ZSWIM6: variants seen among roughly 807,000 people sequenced by gnomAD.
The protein encoded by ZSWIM6 is zinc finger SWIM domain-containing protein 6.
A neutral mutation model predicts 113.2 loss-of-function variants in ZSWIM6; 9 were observed. The ratio of observed to expected loss-of-function variants is 0.08; its 90% CI spans 0.05 to 0.14. The LOEUF (loss-of-function observed/expected upper bound fraction) is 0.14, where lower values mean the gene tolerates loss of function less well. ZSWIM6 is among the 10% of genes least tolerant of loss of function. The pLI, the probability that ZSWIM6 is intolerant of heterozygous loss-of-function variation, is 1.00. For synonymous variants in ZSWIM6, 611 were observed against 606.5 expected (o/e 1.01, Z -0.11); for missense variants, 1,162 against 1,552.2 (o/e 0.75, Z 4.22).
intron 1 of ZSWIM6, among the ~76,000 whole-genome samples, chr5:61,402,104 C>A (rs946490316): frequency 2.6e-5 from 4 of 152,000 alleles, no homozygotes; most frequent in Non-Finnish European, 5.9e-5. Flanking sequence ...GATTTCTTAT[C>A]ATCTTGTCAC....
At chr5:61,362,681 T>C (rs1745055236) in intron 1 of ZSWIM6, among the ~76,000 whole-genome samples, 1 of 152,192 alleles carries the variant, frequency 6.6e-6, no homozygotes, top group Non-Finnish European at 1.5e-5. Flanking sequence ...TCCTACCTGA[T>C]GCCCTTTTCT....
chr5:61,541,407 A>C (rs1316963170), intron 12 of ZSWIM6, among the ~76,000 whole-genome samples: 1 of 152,240 alleles, frequency 6.6e-6, no homozygotes, highest in East Asian at 1.9e-4. Flanking sequence ...TGGTCACCAG[A>C]AAAGAGCAAT....
Position 61,532,783 on chromosome 5 carries a change from T to A in ZSWIM6, c.2245+1058T>A, listed in dbSNP as rs532996574. Among the ~76,000 whole-genome samples the A allele has an allele frequency of 3.3e-5, 5 of 152,200 alleles. No homozygotes were observed. The East Asian group carries it at 9.6e-4, about 29-fold the overall frequency. On this transcript the variant is annotated intron_variant, in intron 9 of 13. Transcript: ENST00000252744. The stretch of plus-strand genomic sequence containing the variant: ...AAGCACTCTCCTGAACCTGTTTTTT[T>A]CCCTGTAAAGATAAAAAGCCCATCT...
At chr5:61,356,896 T>C (rs1343363621) in intron 1 of ZSWIM6, among the ~76,000 whole-genome samples, 1 of 149,750 alleles carries the variant, frequency 6.7e-6, no homozygotes, top group Non-Finnish European at 1.5e-5. Flanking sequence ...AGTATGGGTT[T>C]TCTTGAGTTT....
At chr5:61,461,467 C>T (rs928702784) in intron 1 of ZSWIM6, among the ~76,000 whole-genome samples, 19 of 152,218 alleles carry the variant, frequency 1.2e-4, no homozygotes, top group Non-Finnish European at 2.4e-4. Flanking sequence ...GAGTCCCAGT[C>T]TCTCTGCCTT....
chr5:61,397,688 TA>T (rs1745870211), intron 1 of ZSWIM6, among the ~76,000 whole-genome samples: 1 of 152,228 alleles, frequency 6.6e-6, no homozygotes. Context: ...AATTTTAGCA[TA>T]GAAGTAATCT....
At position 61,545,495 on chromosome 5, in the gene ZSWIM6, A is replaced by C. The variant is rs1214213760; in HGVS notation, c.*1178A>C. ...CAAAACACAAAATGTTTTCCAAAAC[A>C]ATTGACATAATGATACATTACGCCT... On this transcript the variant is annotated 3_prime_UTR_variant, in exon 14 of 14. Coordinates refer to ENST00000252744, the MANE Select transcript of ZSWIM6 (RefSeq NM_020928.2). 4 of 152,142 alleles carry C rather than the reference A, an allele frequency of 2.6e-5. No individual in the cohort carries two copies. Among genetic ancestry groups the C allele is most frequent in the African/African-American group, 9.7e-5 (4 of 41,444 alleles). The allele number at this position is 152,142 out of a possible 1,614,324, so 9.4% of individuals were successfully genotyped here. A position where few individuals can be genotyped will look rare whatever the true frequency, so the allele number is the denominator to read the frequency against.
chr5:61,448,212 A>G (rs1747007807), intron 1 of ZSWIM6, among the ~76,000 whole-genome samples: 1 of 152,232 alleles, frequency 6.6e-6, no homozygotes, highest in Non-Finnish European at 1.5e-5. Flanking sequence ...ATAGTGCATT[A>G]GCATCATAGC....
chr5:61,397,145 T>G (rs1455858065), intron 1 of ZSWIM6, among the ~76,000 whole-genome samples: 5 of 152,224 alleles, frequency 3.3e-5, no homozygotes, highest in African/African-American at 7.2e-5. Context: ...TTTTCAGTTT[T>G]GGACATTGGT....
At chr5:61,478,784 T>C (rs1041037984) in intron 2 of ZSWIM6, among the ~76,000 whole-genome samples, 1 of 152,110 alleles carries the variant, frequency 6.6e-6, no homozygotes, top group Non-Finnish European at 1.5e-5. Flanking sequence ...ATGAATGATA[T>C]ATGCATTTTG....
At chr5:61,369,716 T>A (rs1259396940) in intron 1 of ZSWIM6, among the ~76,000 whole-genome samples, 2 of 152,226 alleles carry the variant, frequency 1.3e-5, no homozygotes, top group Admixed American at 1.3e-4. Flanking sequence ...AGCACAGCTC[T>A]GTATACTTAC....
intron 1 of ZSWIM6, among the ~76,000 whole-genome samples, chr5:61,466,105 T>C (rs918776362): frequency 6.6e-6 from 1 of 152,200 alleles, no homozygotes. Flanking sequence ...ATCTGGAAAT[T>C]GTACATGATT....
chr5:61,433,603 G>A (rs1432780520), intron 1 of ZSWIM6, among the ~76,000 whole-genome samples: 1 of 151,782 alleles, frequency 6.6e-6, no homozygotes, highest in Non-Finnish European at 1.5e-5. Context: ...CTCCCAGGTA[G>A]CTGGGATTAC....
At chr5:61,514,788 C>T (rs970150061) in intron 4 of ZSWIM6, among the ~76,000 whole-genome samples, 1 of 152,048 alleles carries the variant, frequency 6.6e-6, no homozygotes, top group Non-Finnish European at 1.5e-5. Flanking sequence ...TTTGTGGAGG[C>T]ATTTTACTTC....
chr5:61,484,330 G>A (rs1223933617), intron 2 of ZSWIM6, among the ~76,000 whole-genome samples: 1 of 152,156 alleles, frequency 6.6e-6, no homozygotes, highest in African/African-American at 2.4e-5. Context: ...ATTGAGAGAA[G>A]TAACCACTGT....
chr5:61,379,052 G>C (rs568824151), intron 1 of ZSWIM6, among the ~76,000 whole-genome samples: 1 of 151,586 alleles, frequency 6.6e-6, no homozygotes. Flanking sequence ...GTCGTGGTGC[G>C]TGCCTATAAT....
chr5:61,346,238 C>T (rs1277975403), intron 1 of ZSWIM6, among the ~76,000 whole-genome samples: 2 of 152,310 alleles, frequency 1.3e-5, no homozygotes, highest in Admixed American at 6.5e-5. Flanking sequence ...GCGGTAGCCA[C>T]CGTGCCTGGC....
At chr5:61,451,563 T>C (rs577543892) in intron 1 of ZSWIM6, among the ~76,000 whole-genome samples, 6 of 152,150 alleles carry the variant, frequency 3.9e-5, no homozygotes, top group Non-Finnish European at 8.8e-5. Flanking sequence ...TTTTTATCTT[T>C]CCCAGCATAG....
rs2112092604 is a variant in ZSWIM6, at chr5:61,391,637, C to T, written c.676+58689C>T. 4.2e-6 allele frequency: 4 copies of T among 956,954 alleles called. No individual in the cohort carries two copies. In the East Asian group the frequency reaches 7.1e-5, roughly 17 times the overall value. 59.3% of individuals were successfully genotyped at this position (956,954 alleles called of 1,614,324 possible). A position where few individuals can be genotyped will look rare whatever the true frequency, so the allele number is the denominator to read the frequency against. On this transcript the variant is annotated intron_variant, in intron 1 of 13. Coordinates refer to ENST00000252744, the MANE Select transcript of ZSWIM6 (RefSeq NM_020928.2). Reference sequence around the variant, plus strand: ...ACAACCACCATGGGTGGTATCTCCACAATGGTCACAGCCTCTATCACTTCC... The same window carrying T: ...ACAACCACCATGGGTGGTATCTCCATAATGGTCACAGCCTCTATCACTTCC...
Sources: allele counts gnomAD v4.1 joint callset (sites outside exome capture counted in the v4.1 genomes callset), GRCh38; gene constraint gnomAD v4.1.1; transcripts MANE v1.5; gene names NCBI Gene and HGNC (gene_info 2026-07-23, HGNC 2026-07-21).